NAA15: variants seen among roughly 807,000 people sequenced by gnomAD.
NAA15 encodes N-terminal acetyltransferase.
A neutral mutation model predicts 114.0 loss-of-function variants in NAA15; 34 were observed. The observed-to-expected ratio is 0.30, with a 90% CI of 0.23 to 0.40. The LOEUF is 0.40. Among genes scored for constraint, NAA15 ranks in the 10% least tolerant of loss-of-function variants. The pLI, the probability that NAA15 is intolerant of heterozygous loss-of-function variation, is 1.00. For missense variants in NAA15, 658 were observed against 1,004.5 expected (o/e 0.66, Z 4.66); for synonymous variants, 340 against 338.0 (o/e 1.01, Z -0.06).
chr4:139,340,283 C>T (rs554088089), intron 3 of NAA15, among the ~76,000 whole-genome samples: 4 of 152,120 alleles, frequency 2.6e-5, no homozygotes, highest in East Asian at 1.9e-4. Flanking sequence ...GACCACACCA[C>T]GACACTCCAG....
intron 15 of NAA15, among the ~76,000 whole-genome samples, chr4:139,373,950 C>A (rs1377599241): frequency 2.0e-5 from 3 of 152,106 alleles, no homozygotes; most frequent in Non-Finnish European, 4.4e-5. Context: ...AGTGATATGC[C>A]CACCTTAGCC....
At chr4:139,353,162 A>G (rs1747835486) in intron 9 of NAA15, among the ~76,000 whole-genome samples, 1 of 152,166 alleles carries the variant, frequency 6.6e-6, no homozygotes, top group South Asian at 2.1e-4. Context: ...AGTCATTTTC[A>G]TTCTCACATC....
intron 1 of NAA15, among the ~76,000 whole-genome samples, chr4:139,332,794 C>G (rs1349870831): frequency 1.3e-5 from 2 of 151,902 alleles, no homozygotes; most frequent in African/African-American, 4.8e-5. Flanking sequence ...GTTGGCCAGG[C>G]TGGTCTCGAA....
At chr4:139,340,839 C>A (rs1314772859) in intron 3 of NAA15, 73 bp from the exon 4 acceptor site, 3 of 1,246,548 alleles carry the variant, frequency 2.4e-6, no homozygotes, top group East Asian at 2.6e-5. Flanking sequence ...CTGTGGTTCT[C>A]CAAGTTTTTT....
chr4:139,388,810 C>T lies in NAA15; in HGVS notation c.*726C>T, dbSNP rs1748975769. The T allele has an allele frequency of 6.6e-6, 1 of 152,598 alleles. No homozygotes were observed. The highest frequency in any genetic ancestry group is 2.4e-5 in the African/African-American group (1 of 41,450). The allele number at this position is 152,598 out of a possible 1,614,324, so 9.5% of individuals were successfully genotyped here. ...ACTAAAACTTGAAGAACTAAAACAA[C>T]AATGCAAACCTTTCAGCATTGTTTG... On this transcript the variant is annotated 3_prime_UTR_variant, in exon 20 of 20. Coordinates refer to ENST00000296543, the MANE Select transcript of NAA15 (RefSeq NM_057175.5).
At chr4:139,368,546 A>G (rs1157780308) in intron 14 of NAA15, among the ~76,000 whole-genome samples, 1 of 152,198 alleles carries the variant, frequency 6.6e-6, no homozygotes, top group Non-Finnish European at 1.5e-5. Flanking sequence ...GTCTTTCCAT[A>G]AGATTGAGTT....
In NAA15 at chr4:139,389,977, A is replaced by G. The variant is rs764509136; in HGVS notation, c.*1893A>G. Reference sequence around the variant, plus strand: ...AAACAAAAACTTTTTTTCAACTCCTATGAGTGGCAACTGAAGTTCTTATTG... The same window carrying G: ...AAACAAAAACTTTTTTTCAACTCCTGTGAGTGGCAACTGAAGTTCTTATTG... On this transcript the variant is annotated 3_prime_UTR_variant, in exon 20 of 20. Transcript: ENST00000296543. The G allele has an allele frequency of 6.6e-6, 1 of 152,654 alleles. No homozygotes were observed. The highest frequency in any genetic ancestry group is 2.4e-5 in the African/African-American group (1 of 41,462). The allele number at this position is 152,654 out of a possible 1,614,324, so 9.5% of individuals were successfully genotyped here.
intron 5 of NAA15, 100 bp downstream of exon 5, chr4:139,343,060 C>A: frequency 9.1e-7 from 1 of 1,104,968 alleles, no homozygotes; most frequent in Non-Finnish European, 1.3e-6. Flanking sequence ...TAGTTTCAAA[C>A]TTATAGAAAA....
rs181851232 is a variant in NAA15, at chr4:139,376,639, G to A, written c.2056+166G>A. Among the ~76,000 whole-genome samples, 3 of 152,242 alleles carry A rather than the reference G, an allele frequency of 2.0e-5. No homozygotes were observed. The East Asian group carries it at 5.8e-4, about 29-fold the overall frequency. The stretch of plus-strand genomic sequence containing the variant: ...AACAGAATGTGTAGGGAGATATAAT[G>A]ATATAATCACTTCTTTTAGGATATT... On this transcript the variant is annotated intron_variant, in intron 16 of 19. Transcript: ENST00000296543.
chr4:139,322,597 G>A (rs956418583), intron 1 of NAA15, among the ~76,000 whole-genome samples: 1 of 152,244 alleles, frequency 6.6e-6, no homozygotes, highest in Non-Finnish European at 1.5e-5. Flanking sequence ...ACCAGTAGTT[G>A]TTAGGCTCAT....
chr4:139,386,571 C>A, intron 19 of NAA15: 1 of 169,522 alleles, frequency 5.9e-6, no homozygotes, highest in Non-Finnish European at 1.3e-5. Flanking sequence ...GGTTCATGGC[C>A]TATATTCCCA....
intron 1 of NAA15, among the ~76,000 whole-genome samples, chr4:139,315,001 T>TTCAGTTTAGTTTAGTTTAGG (rs1181192026): frequency 4.0e-5 from 3 of 74,356 alleles, no homozygotes; most frequent in Non-Finnish European, 5.1e-5. Context: ...TTCAGTTCAG[T>TTCAGTTTAGTTTAGTTTAGG]TTAGTTTAGG....
chr4:139,307,774 G>T (rs1746072579), intron 1 of NAA15, among the ~76,000 whole-genome samples: 1 of 152,062 alleles, frequency 6.6e-6, no homozygotes, highest in Non-Finnish European at 1.5e-5. Context: ...CTGAGATTAA[G>T]GTCAACAGCT....
intron 17 of NAA15, among the ~76,000 whole-genome samples, chr4:139,381,714 A>G (rs1346549997): frequency 6.6e-6 from 1 of 152,152 alleles, no homozygotes; most frequent in East Asian, 1.9e-4. Flanking sequence ...ATTATTAACA[A>G]TGCCAGCTAG....
chr4:139,348,535 A>C (rs926136030), intron 6 of NAA15, among the ~76,000 whole-genome samples: 1 of 152,126 alleles, frequency 6.6e-6, no homozygotes, highest in African/African-American at 2.4e-5. Flanking sequence ...AGCGAAAGAT[A>C]TAACAGAGAG....
chr4:139,334,300 C>G (rs1442203990), intron 2 of NAA15, 42 bp downstream of exon 2: 3 of 1,299,494 alleles, frequency 2.3e-6, no homozygotes, highest in Non-Finnish European at 3.2e-6. Context: ...ACCTGTCTGG[C>G]CTCTCTTACT....
intron 17 of NAA15, chr4:139,379,160 A>G (rs962338748): frequency 1.1e-4 from 22 of 199,382 alleles, no homozygotes; most frequent in African/African-American, 4.9e-4. Context: ...ACTTCTTAGT[A>G]AATTGTTTTG....
At chr4:139,309,426 AGTGTGTGTGTGTGTGTGTGTGTGT>A (rs70943412) in intron 1 of NAA15, among the ~76,000 whole-genome samples, 2 of 143,580 alleles carry the variant, frequency 1.4e-5, no homozygotes, top group Non-Finnish European at 1.5e-5. Context: ...TTGCTTTTTA[AGTGTGTGTGTGTGTGTGTGTGTGT>A]GTGTGTGTGT....
intron 10 of NAA15, chr4:139,356,457 G>A (rs1747953738): frequency 6.6e-6 from 1 of 152,074 alleles, no homozygotes; most frequent in Non-Finnish European, 1.5e-5. Flanking sequence ...GATTTCATTG[G>A]TTAATCATCA....
Sources: allele counts gnomAD v4.1 joint callset (sites outside exome capture counted in the v4.1 genomes callset), GRCh38; gene constraint gnomAD v4.1.1; transcripts MANE v1.5; gene names NCBI Gene and HGNC (gene_info 2026-07-23, HGNC 2026-07-21).